Variants in TMEM30A observed in about 807,000 individuals in gnomAD.
TMEM30A encodes cell division cycle 50 P4-ATPase accessory subunit A, also known as cell cycle control protein 50A.
TMEM30A carries 24 observed loss-of-function variants against 38.2 expected under a neutral mutation model. The ratio of observed to expected loss-of-function variants is 0.63; its 90% CI spans 0.46 to 0.88. TMEM30A has a LOEUF of 0.88. TMEM30A is among the 40% of genes least tolerant of loss of function. The pLI, the probability that TMEM30A is intolerant of heterozygous loss-of-function variation, is 0.00. For missense variants in TMEM30A, 370 were observed against 458.6 expected, an observed-to-expected ratio of 0.81 and a Z score of 1.77; for synonymous variants, 145 against 161.6, an observed-to-expected ratio of 0.90 and a Z score of 0.78.
intron 5 of TMEM30A, 149 bp downstream of exon 5, chr6:75,259,198 T>C: frequency 1.1e-6 from 1 of 921,154 alleles, no homozygotes; most frequent in Non-Finnish European, 1.6e-6. Context: ...TTTTAGTACA[T>C]TAGAACATTT....
In TMEM30A at chr6:75,255,515, G is replaced by GAATCCTT. The variant is rs1562382703; in HGVS notation, c.*586_*587insAAGGATT. 2.6e-5 allele frequency: 4 copies of GAATCCTT among 152,432 alleles called. No homozygotes were observed. The highest frequency in any genetic ancestry group is 5.9e-5 in the Non-Finnish European group (4 of 68,000). 9.4% of individuals were successfully genotyped at this position (152,432 alleles called of 1,614,324 possible). ...AATTCTTATGCCAGACAAGGTAAGC[G>GAATCCTT]TGTCCTTTGAAATCAAAGCTAAGCT... is the stretch of plus-strand genomic sequence containing the variant. On this transcript the variant is annotated 3_prime_UTR_variant, in exon 7 of 7. Transcript: ENST00000230461.
chr6:75,263,002 A>G (rs1363029510), intron 3 of TMEM30A, among the ~76,000 whole-genome samples: 1 of 152,266 alleles, frequency 6.6e-6, no homozygotes, highest in African/African-American at 2.4e-5. Context: ...GCAAATATGT[A>G]ATTACAAATT....
At chr6:75,271,344 C>T (rs1447415457) in intron 1 of TMEM30A, among the ~76,000 whole-genome samples, 1 of 151,850 alleles carries the variant, frequency 6.6e-6, no homozygotes, top group African/African-American at 2.4e-5. Flanking sequence ...TTTATTGGAA[C>T]CAAGAGTAAT....
rs887058629 is a variant in TMEM30A, at chr6:75,284,276, G to A, written c.237+126C>T. 5 of 839,466 alleles carry A rather than the reference G, an allele frequency of 6.0e-6. No homozygotes were observed. The East Asian group carries it at 7.6e-5, about 13-fold the overall frequency. 52.0% of individuals were successfully genotyped at this position (839,466 alleles called of 1,614,324 possible). Reference sequence around the variant, plus strand: ...AGAAAAAACAGAGAAACAGAGGGAAGGGGGTGGTGGACGGCGCGAGGTCAG... The same window carrying A: ...AGAAAAAACAGAGAAACAGAGGGAAAGGGGTGGTGGACGGCGCGAGGTCAG... On this transcript the variant is annotated intron_variant, in intron 1 of 6. Transcript: ENST00000230461.
At chr6:75,260,116 A>C (rs1771936825) in intron 4 of TMEM30A, among the ~76,000 whole-genome samples, 1 of 152,178 alleles carries the variant, frequency 6.6e-6, no homozygotes, top group African/African-American at 2.4e-5. Flanking sequence ...GAAAATTTAA[A>C]ATTACCAGGC....
At chr6:75,274,357 T>C (rs1424458668) in intron 1 of TMEM30A, among the ~76,000 whole-genome samples, 2 of 152,074 alleles carry the variant, frequency 1.3e-5, no homozygotes, top group East Asian at 3.9e-4. Context: ...TTGAACAGTA[T>C]CCTGAATGCT....
intron 1 of TMEM30A, among the ~76,000 whole-genome samples, chr6:75,272,281 T>C (rs1772185808): frequency 6.6e-6 from 1 of 152,260 alleles, no homozygotes; most frequent in Non-Finnish European, 1.5e-5. Flanking sequence ...TAAAGCCTCC[T>C]ATCAACTATT....
intron 1 of TMEM30A, among the ~76,000 whole-genome samples, chr6:75,283,366 T>C (rs1041503054): frequency 6.6e-6 from 1 of 151,754 alleles, no homozygotes; most frequent in African/African-American, 2.4e-5. Flanking sequence ...TCAAGAGAAC[T>C]TGGTACTAGT....
chr6:75,258,703 G>A (rs1294185930), intron 6 of TMEM30A, 77 bp downstream of exon 6: 11 of 1,283,010 alleles, frequency 8.6e-6, no homozygotes, highest in African/African-American at 3.0e-5. Flanking sequence ...AAGGTAACAT[G>A]CCACATAACA....
chr6:75,283,443 C>T (rs1380623484), intron 1 of TMEM30A, among the ~76,000 whole-genome samples: 2 of 151,828 alleles, frequency 1.3e-5, no homozygotes, highest in Non-Finnish European at 2.9e-5. Context: ...ATGAGAGATG[C>T]TTAATACTGG....
chr6:75,259,256 G>A, intron 5 of TMEM30A, 91 bp downstream of exon 5: 1 of 1,403,308 alleles, frequency 7.1e-7, no homozygotes. Flanking sequence ...GTTTTTCAAA[G>A]CATAACTTTA....
intron 3 of TMEM30A, among the ~76,000 whole-genome samples, chr6:75,262,566 G>A (rs545012493): frequency 6.0e-5 from 9 of 151,238 alleles, no homozygotes; most frequent in Admixed American, 2.6e-4. Context: ...TGCTTGAACC[G>A]GGGAGGCAGA....
intron 3 of TMEM30A, 50 bp from the exon 4 acceptor site, chr6:75,260,961 G>A (rs1342305794): frequency 1.6e-6 from 2 of 1,285,068 alleles, no homozygotes; most frequent in African/African-American, 1.5e-5. Flanking sequence ...AGGCCTTTGG[G>A]AGAACTATGA....
In TMEM30A at chr6:75,258,852, G is replaced by A. The variant is rs538537008; in HGVS notation, c.820C>T (p.Arg274Cys). 1.9e-6 allele frequency: 3 copies of A among 1,613,902 alleles called. No homozygotes were observed. The South Asian group carries it at 3.3e-5, about 18-fold the overall frequency. Reference sequence around the variant, plus strand: ...AAATCACTTTTCCTTTCTATAAGACGATACAACTTGCGAAAAGTAGGTAAT... The same window carrying A: ...AAATCACTTTTCCTTTCTATAAGACAATACAACTTGCGAAAAGTAGGTAAT... ...AALPTFRKLY[R>C]LIERKSDLHP... Residue 274 changes from arginine to cysteine, a missense_variant, in exon 6 of 7, where the codon CGT (arginine) becomes TGT (cysteine). Arg to Cys is a radical substitution (Grantham distance 180). Transcript: ENST00000230461.
chr6:75,275,185 T>C (rs1582284653), intron 1 of TMEM30A, among the ~76,000 whole-genome samples: 1 of 152,220 alleles, frequency 6.6e-6, no homozygotes, highest in East Asian at 1.9e-4. Context: ...CCTCCTTAGC[T>C]CCCCAGCCTC....
At chr6:75,271,942 C>G (rs1278850535) in intron 1 of TMEM30A, among the ~76,000 whole-genome samples, 1 of 151,892 alleles carries the variant, frequency 6.6e-6, no homozygotes, top group Non-Finnish European at 1.5e-5. Flanking sequence ...AAGATTTGAA[C>G]AGAGCCATAA....
rs750098945 is a variant in TMEM30A, at chr6:75,260,900, C to T, written c.465G>A (p.Lys155=). ...CATTTCTTCGATAAGGTTCACATTC[C>T]TTACTGGGATTCTGGTTTTTACAAG... ...GDSSALLNPS[K]ECEPYRRNED... Residue 155 remains lysine (K), a synonymous_variant, in exon 4 of 7, where the codon AAG becomes AAA. Coordinates refer to ENST00000230461, the MANE Select transcript of TMEM30A (RefSeq NM_018247.4). 7.5e-6 allele frequency: 12 copies of T among 1,596,934 alleles called. No individual in the cohort carries two copies. The highest frequency in any genetic ancestry group is 9.4e-6 in the Non-Finnish European group (11 of 1,175,876).
At chr6:75,256,616 A>G in intron 6 of TMEM30A, 1 of 361,438 alleles carries the variant, frequency 2.8e-6, no homozygotes, top group South Asian at 2.4e-5. Context: ...ATGTGAAAAA[A>G]ATACTTCAAG....
At chr6:75,256,589 G>C (rs1312821643) in intron 6 of TMEM30A, among the ~76,000 whole-genome samples, 1 of 152,042 alleles carries the variant, frequency 6.6e-6, no homozygotes, top group Admixed American at 6.6e-5. Flanking sequence ...AGGGGCAAAA[G>C]GCCTCAAAGG....
Sources: gnomAD v4.1 joint callset for allele counts (sites outside exome capture counted in the v4.1 genomes callset) on GRCh38, gnomAD v4.1.1 for gene constraint, MANE v1.5 for transcripts, NCBI Gene and HGNC (gene_info 2026-07-23, HGNC 2026-07-21) for gene names.